Variants in AGPS observed in about 807,000 individuals in gnomAD.
The protein encoded by AGPS is alkyldihydroxyacetonephosphate synthase, peroxisomal.
AGPS carries 26 observed loss-of-function variants against 90.7 expected under a neutral mutation model. The observed-to-expected ratio is 0.29, with a 90% CI of 0.21 to 0.40. The LOEUF (loss-of-function observed/expected upper bound fraction) is 0.40, where lower values mean the gene tolerates loss of function less well. Among genes scored for constraint, AGPS ranks in the 10% least tolerant of loss-of-function variants. AGPS has a pLI of 1.00. For synonymous variants in AGPS, 294 were observed against 285.3 expected, an observed-to-expected ratio of 1.03 and a Z score of -0.31; for missense variants, 540 against 816.1, an observed-to-expected ratio of 0.66 and a Z score of 4.12.
At chr2:177,465,495 C>T (rs1449574721) in intron 9 of AGPS, among the ~76,000 whole-genome samples, 2 of 152,336 alleles carry the variant, frequency 1.3e-5, no homozygotes, top group South Asian at 2.1e-4. Context: ...GCTTGGCTCA[C>T]GCTGCTGGTC....
intron 9 of AGPS, among the ~76,000 whole-genome samples, chr2:177,466,876 G>A (rs995429032): frequency 1.3e-5 from 2 of 152,196 alleles, no homozygotes; most frequent in African/African-American, 2.4e-5. Flanking sequence ...GGTGGCTGCA[G>A]CTGTGTCCAG....
At chr2:177,414,760 G>A (rs1324286437) in intron 1 of AGPS, among the ~76,000 whole-genome samples, 2 of 152,070 alleles carry the variant, frequency 1.3e-5, no homozygotes, top group Admixed American at 6.6e-5. Flanking sequence ...CAAAGGCTGA[G>A]CAGCGTATTT....
In AGPS at chr2:177,538,291, G is replaced by C; in HGVS notation, c.*96G>C. 7.6e-7 allele frequency: 1 copy of C among 1,313,012 alleles called. No homozygotes were observed. The highest frequency in any genetic ancestry group is 1.1e-6 in the Non-Finnish European group (1 of 927,986). The allele number at this position is 1,313,012 out of a possible 1,614,324, so 81.3% of individuals were successfully genotyped here. A position where few individuals can be genotyped will look rare whatever the true frequency, so the allele number is the denominator to read the frequency against. ...CAAATATATCATGGACTATATTTTG[G>C]ATACATTTGTTTCTTTGGTTTAAAA... On this transcript the variant is annotated 3_prime_UTR_variant, in exon 20 of 20. Transcript: ENST00000264167.
In AGPS at chr2:177,422,977, G is replaced by A. The variant is rs1685981430; in HGVS notation, c.350+2619G>A. 1.1e-4 allele frequency among the ~76,000 whole-genome samples: 2 copies of A among 17,560 alleles called. 1 individual carries two copies. Among genetic ancestry groups the A allele is most frequent in the Non-Finnish European group, 3.7e-4 (2 of 5,470 alleles). 11.5% of individuals were successfully genotyped at this position (17,560 alleles called of 152,430 possible). ...ACCTTCTTAAAAATAATGAGGATGA[G>A]GAAAGTTAAGTAGCTTACCTGAAGT... On this transcript the variant is annotated intron_variant, in intron 2 of 19. Coordinates refer to ENST00000264167, the MANE Select transcript of AGPS (RefSeq NM_003659.4).
At chr2:177,461,185 A>G (rs549133973) in intron 8 of AGPS, among the ~76,000 whole-genome samples, 49 of 152,336 alleles carry the variant, frequency 3.2e-4, no homozygotes, top group African/African-American at 1.2e-3. Context: ...AGTCTTTAAA[A>G]TGATTTCATT....
At chr2:177,498,874 A>G (rs1230347759) in intron 13 of AGPS, among the ~76,000 whole-genome samples, 1 of 151,756 alleles carries the variant, frequency 6.6e-6, no homozygotes, top group Non-Finnish European at 1.5e-5. Context: ...GAAAAATTAA[A>G]TAGATTTCAT....
At chr2:177,509,510 C>CA (rs1688807685) in intron 16 of AGPS, among the ~76,000 whole-genome samples, 1 of 151,800 alleles carries the variant, frequency 6.6e-6, no homozygotes, top group African/African-American at 2.4e-5. Context: ...ACTGAAAATA[C>CA]AAAAAATTAG....
At chr2:177,429,828 A>G (rs1686186758) in intron 2 of AGPS, among the ~76,000 whole-genome samples, 1 of 152,206 alleles carries the variant, frequency 6.6e-6, no homozygotes, top group Non-Finnish European at 1.5e-5. Context: ...CAGCTGTGCC[A>G]TGTTGGGGAT....
At chr2:177,431,496 A>T (rs987161499) in intron 2 of AGPS, among the ~76,000 whole-genome samples, 31 of 152,160 alleles carry the variant, frequency 2.0e-4, no homozygotes, top group Non-Finnish European at 3.7e-4. Context: ...CCACCCTAAT[A>T]AGCCAGAGGG....
chr2:177,424,783 G>A (rs1035800471), intron 2 of AGPS, among the ~76,000 whole-genome samples: 7 of 151,994 alleles, frequency 4.6e-5, no homozygotes, highest in African/African-American at 1.7e-4. Context: ...CCATTCTGAC[G>A]TGAGGTGGTA....
intron 1 of AGPS, among the ~76,000 whole-genome samples, chr2:177,414,200 A>G (rs148778880): frequency 6.6e-5 from 10 of 152,042 alleles, no homozygotes; most frequent in Admixed American, 6.6e-4. Flanking sequence ...TTCAAGTTTT[A>G]AAAGGTTTCT....
intron 9 of AGPS, among the ~76,000 whole-genome samples, chr2:177,462,309 C>T (rs1322854369): frequency 6.9e-6 from 1 of 145,552 alleles, no homozygotes; most frequent in Middle Eastern, 3.4e-3. Context: ...AGGAGAATGG[C>T]ATGAACCTGG....
chr2:177,411,066 A>G (rs1417389796), intron 1 of AGPS, among the ~76,000 whole-genome samples: 1 of 152,152 alleles, frequency 6.6e-6, no homozygotes, highest in Non-Finnish European at 1.5e-5. Context: ...GGCCATGACT[A>G]AAGCGGTGAC....
At chr2:177,393,325 C>T (rs963094363) in intron 1 of AGPS, 5 of 985,410 alleles carry the variant, frequency 5.1e-6, no homozygotes, top group Non-Finnish European at 6.0e-6. Context: ...TTCCTTTTTC[C>T]TGAGCTTTTA....
chr2:177,481,028 T>C (rs1163833469), intron 10 of AGPS, among the ~76,000 whole-genome samples: 3 of 152,222 alleles, frequency 2.0e-5, no homozygotes, highest in African/African-American at 7.2e-5. Flanking sequence ...TAATGTAATT[T>C]GCTTTTCATA....
intron 8 of AGPS, among the ~76,000 whole-genome samples, chr2:177,448,679 ATATAAT>A (rs1217414644): frequency 6.6e-6 from 1 of 152,182 alleles, no homozygotes; most frequent in Non-Finnish European, 1.5e-5. Context: ...ATAGCTTGAG[ATATAAT>A]TATGATCTAA....
chr2:177,427,308 G>A (rs1686113398), intron 2 of AGPS, among the ~76,000 whole-genome samples: 1 of 152,080 alleles, frequency 6.6e-6, no homozygotes, highest in Non-Finnish European at 1.5e-5. Context: ...CCAGCTCCTG[G>A]ATTCATTGGC....
intron 1 of AGPS, among the ~76,000 whole-genome samples, chr2:177,397,099 C>T (rs1009622107): frequency 2.0e-5 from 3 of 151,958 alleles, no homozygotes; most frequent in Admixed American, 6.6e-5. Flanking sequence ...CCACTGTGCC[C>T]AGCTAAGTTT....
chr2:177,472,984 T>C (rs1867904), intron 10 of AGPS, among the ~76,000 whole-genome samples: 4,019 of 152,286 alleles, frequency 0.026, 181 homozygotes, highest in African/African-American at 0.091. Context: ...ATTGCACTTT[T>C]GTTTTCTGGG....
Sources: allele counts gnomAD v4.1 joint callset (sites outside exome capture counted in the v4.1 genomes callset), GRCh38; gene constraint gnomAD v4.1.1; transcripts MANE v1.5; gene names NCBI Gene and HGNC (gene_info 2026-07-23, HGNC 2026-07-21).